TNRC18: variants seen among roughly 807,000 people sequenced by gnomAD.
TNRC18 encodes trinucleotide repeat containing 18.
TNRC18 carries 69 observed loss-of-function variants against 226.7 expected under a neutral mutation model. The observed-to-expected ratio is 0.30, with a 90% confidence interval of 0.25 to 0.37. TNRC18 has a LOEUF of 0.37. TNRC18 is among the 10% of genes least tolerant of loss of function. The pLI is 1.00. For synonymous variants in TNRC18, 2,449 were observed against 1,927.6 expected, an observed-to-expected ratio of 1.27 and a Z score of -7.09; for missense variants, 4,754 against 4,256.6, an observed-to-expected ratio of 1.12 and a Z score of -3.25.
chr7:5,368,454 G>A (rs1397081020), intron 11 of TNRC18, among the ~76,000 whole-genome samples: 1 of 151,166 alleles, frequency 6.6e-6, no homozygotes, highest in Non-Finnish European at 1.5e-5. Flanking sequence ...CTTGAGGTCA[G>A]GAGTACGAGA....
intron 19 of TNRC18, among the ~76,000 whole-genome samples, chr7:5,329,023 C>T (rs1184639844): frequency 1.3e-5 from 2 of 152,108 alleles, no homozygotes; most frequent in Non-Finnish European, 2.9e-5. Context: ...TGATAGAAGG[C>T]CAGGCGTGGT....
chr7:5,357,424 T>C (rs534914319), intron 15 of TNRC18, 148 bp from the exon 16 acceptor site: 4 of 966,248 alleles, frequency 4.1e-6, no homozygotes, highest in Admixed American at 6.3e-5. Flanking sequence ...ATTTATTTTT[T>C]TTTTAGAGAC....
At chr7:5,322,854 G>C (rs1017757424) in intron 21 of TNRC18, among the ~76,000 whole-genome samples, 7 of 152,228 alleles carry the variant, frequency 4.6e-5, no homozygotes, top group Non-Finnish European at 8.8e-5. Context: ...CTGTGGCCTT[G>C]TCACTGGCAG....
Position 5,340,742 on chromosome 7 carries a change from C to T in TNRC18, c.5719+4820G>A, listed in dbSNP as rs557351630. 1.1e-3 allele frequency among the ~76,000 whole-genome samples: 57 copies of T among 53,284 alleles called. 2 individuals are homozygous for T. In the East Asian group the frequency reaches 0.041, roughly 38 times the overall value. 35.0% of individuals were successfully genotyped at this position (53,284 alleles called of 152,430 possible). ...TGGGCAACAGAGTGAGACTCCATCTCAGAGAAAAAAAAAAAAAGAAAAGGA... is the reference window on the plus strand; with the variant it reads ...TGGGCAACAGAGTGAGACTCCATCTTAGAGAAAAAAAAAAAAAGAAAAGGA... On this transcript the variant is annotated intron_variant, in intron 18 of 29. Coordinates refer to ENST00000430969, the MANE Select transcript of TNRC18 (RefSeq NM_001080495.3).
At chr7:5,359,359 C>T (rs767457237) in intron 15 of TNRC18, 39 bp downstream of exon 15, 3 of 1,611,586 alleles carry the variant, frequency 1.9e-6, no homozygotes, top group Non-Finnish European at 2.5e-6. Context: ...AGACACCTCC[C>T]TGAAAGATCT....
rs555471475 is a variant in TNRC18 at position 5,312,267 on chromosome 7, G to A, written c.8388+236C>T. On this transcript the variant is annotated intron_variant, in intron 27 of 29. Transcript: ENST00000430969. The surrounding 1 kb of genome is among the most constrained non-coding windows in gnomAD (Gnocchi z 6.3). ...CCACGAGGGTGGCTCTGCGTCCCGG[G>A]ACCAGAGGGCAGGACCACTCTGCTC... 6.6e-6 allele frequency among the ~76,000 whole-genome samples: 1 copy of A among 152,338 alleles called. No homozygotes were observed. The highest frequency in any genetic ancestry group is 2.4e-5 in the African/African-American group (1 of 41,582).
In TNRC18 at chr7:5,308,115, C is replaced by T. The variant is rs62441157; in HGVS notation, c.8898G>A (p.Val2966=). ...GCAGGGCCCGGCGGGCTCAGCAGAG[C>T]ACGGGCACGCCGTCCGTGGAGAAGA... The part of the protein sequence containing the change: ...GMIFSTDGVP[V]LC Residue 2966 remains valine, a synonymous_variant, in exon 30 of 30, where the codon GTG becomes GTA. Coordinates refer to ENST00000430969, the MANE Select transcript of TNRC18 (RefSeq NM_001080495.3). 81,173 of 1,550,894 alleles carry T rather than the reference C, an allele frequency of 0.052. 2,403 individuals carry two copies. The highest frequency in any genetic ancestry group is 0.071 in the Middle Eastern group (308 of 4,362).
intron 11 of TNRC18, among the ~76,000 whole-genome samples, chr7:5,369,350 A>G (rs554699478): frequency 6.6e-6 from 1 of 152,326 alleles, no homozygotes; most frequent in South Asian, 2.1e-4. Flanking sequence ...CTATGGCTCA[A>G]AAAAAGAAAA....
At position 5,376,197 on chromosome 7, in the gene TNRC18, G is replaced by C. The variant is rs577932642; in HGVS notation, c.2636C>G (p.Pro879Arg). 3.3e-6 allele frequency: 5 copies of C among 1,526,384 alleles called. No homozygotes were observed. The highest frequency in any genetic ancestry group is 1.4e-5 in the African/African-American group (1 of 72,310). 94.6% of individuals were successfully genotyped at this position (1,526,384 alleles called of 1,614,324 possible). The change falls in exon 9 of 30, where the codon CCG (proline) becomes CGG (arginine). Residue 879 changes from proline to arginine, a missense_variant. By Grantham distance (103) the Pro-to-Arg change is moderately radical. Transcript: ENST00000430969. ...CGGGTACAGGGCGGGCCAGAGGGGC[G>C]GTACGGTGGCCCGCTCCATCAGCTC... ...FAELMERATV[P>R]PLWPALYPPG...
chr7:5,380,239 A>T (rs893110044), intron 5 of TNRC18, among the ~76,000 whole-genome samples: 8 of 152,194 alleles, frequency 5.3e-5, no homozygotes, highest in African/African-American at 1.9e-4. Context: ...GGAGCCCAGG[A>T]GTTTGAGACC....
In TNRC18 at chr7:5,371,211, G is replaced by A; in HGVS notation, c.3383C>T (p.Pro1128Leu). The A allele has an allele frequency of 6.2e-7, 1 of 1,605,528 alleles. No individual in the cohort carries two copies. ...GGACAAGCGGATGGGCTTGTCTTCG[G>A]GTGAGAGTGCCAGGCGCTCGGGCCC... Reference protein sequence around the residue: ...ADGPERLALSPEDKPIRLSPS... With the variant: ...ADGPERLALSLEDKPIRLSPS... The change falls in exon 11 of 30, where the codon CCC (proline) becomes CTC (leucine). Residue 1128 changes from proline (P) to leucine (L), a missense_variant. Coordinates refer to ENST00000430969, the MANE Select transcript of TNRC18 (RefSeq NM_001080495.3).
rs564150737 is a variant in TNRC18, at chr7:5,325,086, T to C, written c.6300+10A>G. On this transcript the variant is annotated intron_variant, in intron 20 of 29. Transcript: ENST00000430969. ...CCCACAGCCCCCAACCAGGGCACGG[T>C]GAGCCTCACCTCCTTCTTCACCTCC... 6.5e-7 allele frequency: 1 copy of C among 1,549,604 alleles called. No individual in the cohort carries two copies. Among genetic ancestry groups the C allele is most frequent in the East Asian group, 2.4e-5 (1 of 40,902 alleles).
chr7:5,411,624 G>A (rs1363795502), intron 2 of TNRC18, among the ~76,000 whole-genome samples: 1 of 151,840 alleles, frequency 6.6e-6, no homozygotes, highest in African/African-American at 2.4e-5. Flanking sequence ...ACCCAAAAAC[G>A]TTGCCTTCCT....
chr7:5,351,863 G>A lies in TNRC18; in HGVS notation c.5426C>T (p.Ala1809Val). 2 of 1,612,024 alleles carry A rather than the reference G, an allele frequency of 1.2e-6. No homozygotes were observed. Among genetic ancestry groups the A allele is most frequent in the Non-Finnish European group, 1.7e-6 (2 of 1,179,044 alleles). ...PFCLLLREAEARSSFSDSSEE... is the reference protein window; with the variant it reads ...PFCLLLREAEVRSSFSDSSEE... ...CGAAGAGTCGCTGAAGGAGGAACGC[G>A]CCTCGGCCTCTCGAAGCAGCAGACA... is the stretch of plus-strand genomic sequence containing the variant. Residue 1809 changes from alanine to valine, a missense_variant, in exon 17 of 30, where the codon GCG becomes GTG. Physicochemically the swap from Ala to Val is moderately conservative, Grantham distance 64. Coordinates refer to ENST00000430969, the MANE Select transcript of TNRC18 (RefSeq NM_001080495.3).
chr7:5,337,592 A>G (rs549053944), intron 18 of TNRC18, among the ~76,000 whole-genome samples: 1 of 152,222 alleles, frequency 6.6e-6, no homozygotes, highest in Non-Finnish European at 1.5e-5. Context: ...ATCCTCAGAC[A>G]AGAATGAAAA....
At position 5,309,419 on chromosome 7, in the gene TNRC18, C is replaced by T. The variant is rs747576370; in HGVS notation, c.8389-51G>A. The T allele has an allele frequency of 1.0e-4, 157 of 1,515,938 alleles. No homozygotes were observed. Among genetic ancestry groups the T allele is most frequent in the Non-Finnish European group, 1.3e-4 (149 of 1,122,142 alleles). 93.9% of individuals were successfully genotyped at this position (1,515,938 alleles called of 1,614,324 possible). A position where few individuals can be genotyped will look rare whatever the true frequency, so the allele number is the denominator to read the frequency against. On this transcript the variant is annotated intron_variant, in intron 27 of 29. Coordinates refer to ENST00000430969, the MANE Select transcript of TNRC18 (RefSeq NM_001080495.3). This position sits in a 1 kb window ranked among gnomAD's most constrained non-coding sequence, Gnocchi z 5.7. ...CAGGCCCTGGCCCAGCCCCAAGGAG[C>T]CCGCCGCCTGGCAGGCTCTGCCGCT... is the stretch of plus-strand genomic sequence containing the variant.
In TNRC18 at chr7:5,371,016, G is replaced by A; in HGVS notation, c.3578C>T (p.Ala1193Val). The A allele has an allele frequency of 6.2e-7, 1 of 1,608,608 alleles. No homozygotes were observed. The stretch of plus-strand genomic sequence containing the variant: ...CAACAGGCCACCTCCACAACCCCCT[G>A]CAGGGCTGGGGGTAGCCATGGCTTC... ...AAEAMATPSPAGGCGGGLLEA... is the reference protein window; with the variant it reads ...AAEAMATPSPVGGCGGGLLEA... The change falls in exon 11 of 30, where the codon GCA (alanine) becomes GTA (valine). Residue 1193 changes from alanine (A) to valine (V), a missense_variant. Coordinates refer to ENST00000430969, the MANE Select transcript of TNRC18 (RefSeq NM_001080495.3).
chr7:5,346,404 T>C (rs1379767140), intron 17 of TNRC18, among the ~76,000 whole-genome samples: 1 of 152,024 alleles, frequency 6.6e-6, no homozygotes, highest in East Asian at 1.9e-4. Flanking sequence ...AGTCGACTCC[T>C]GGCATCGCTT....
At position 5,306,927 on chromosome 7, in the gene TNRC18, T is replaced by A. The variant is rs1157877272; in HGVS notation, c.*1179A>T. On this transcript the variant is annotated 3_prime_UTR_variant, in exon 30 of 30. Coordinates refer to ENST00000430969, the MANE Select transcript of TNRC18 (RefSeq NM_001080495.3). ...CAAAAAACAAACCCAAAGTCTGGCT[T>A]TTCCTTCCCTCAAGATTGTCTGGTT... 1 of 151,452 alleles carries A rather than the reference T, an allele frequency of 6.6e-6. No individual in the cohort carries two copies. Among genetic ancestry groups the A allele is most frequent in the African/African-American group, 2.4e-5 (1 of 41,292 alleles). 9.4% of individuals were successfully genotyped at this position (151,452 alleles called of 1,614,324 possible). A position where few individuals can be genotyped will look rare whatever the true frequency, so the allele number is the denominator to read the frequency against.
Sources: gnomAD v4.1 joint callset for allele counts (sites outside exome capture counted in the v4.1 genomes callset) on GRCh38, gnomAD v4.1.1 for gene constraint, Gnocchi (gnomAD v3.1) non-coding constraint, MANE v1.5 for transcripts, NCBI Gene and HGNC (gene_info 2026-07-23, HGNC 2026-07-21) for gene names.